Variants in SLIT3 observed in about 807,000 individuals in gnomAD.
The protein encoded by SLIT3 is slit homolog 3 protein.
A neutral mutation model predicts 184.0 loss-of-function variants in SLIT3; 68 were observed. That is an observed-to-expected ratio of 0.37 (90% CI 0.30 to 0.45). The LOEUF is 0.45. SLIT3 is among the 20% of genes least tolerant of loss of function. SLIT3 has a pLI of 1.00. For missense variants in SLIT3, 1,707 were observed against 2,026.0 expected (o/e 0.84, Z 3.02); for synonymous variants, 831 against 828.6 (o/e 1.00, Z -0.05).
rs142261263 is a variant in SLIT3 at position 168,776,461 on chromosome 5, C to A, written c.1152-2083G>T. On this transcript the variant is annotated intron_variant, in intron 12 of 35. Transcript: ENST00000519560. ...CCCATTATTCTCACAGGAACCTGGG[C>A]AGATGGACAGAACCTGACTCACAAG... Among the ~76,000 whole-genome samples, 140 of 152,300 alleles carry A rather than the reference C, an allele frequency of 9.2e-4. 1 individual carries two copies. The highest frequency in any genetic ancestry group is 3.2e-3 in the African/African-American group (132 of 41,552).
chr5:168,843,825 A>G (rs1040377885), intron 6 of SLIT3, among the ~76,000 whole-genome samples: 3 of 152,232 alleles, frequency 2.0e-5, no homozygotes, highest in African/African-American at 4.8e-5. Context: ...GATGACTCCT[A>G]GCTGACTTTC....
At position 168,861,834 on chromosome 5, in the gene SLIT3, G is replaced by A. The variant is rs116805272; in HGVS notation, c.486-17179C>T. Among the ~76,000 whole-genome samples, 1,425 of 152,304 alleles carry A rather than the reference G, an allele frequency of 9.4e-3. 20 individuals are homozygous for A. Among genetic ancestry groups the A allele is most frequent in the African/African-American group, 0.033 (1,373 of 41,558 alleles). ...AAGATGGCCAGAACATGTAAAGAGA[G>A]CCCAGGAAGAGTTAAACTGTTCAAC... On this transcript the variant is annotated intron_variant, in intron 5 of 35. Coordinates refer to ENST00000519560, the MANE Select transcript of SLIT3 (RefSeq NM_003062.4).
intron 4 of SLIT3, among the ~76,000 whole-genome samples, chr5:168,976,863 A>G (rs1754782196): frequency 6.6e-6 from 1 of 152,214 alleles, no homozygotes; most frequent in Admixed American, 6.5e-5. Flanking sequence ...TCATGCATCA[A>G]AATAATAAAG....
chr5:169,163,031 T>C (rs1762525974), intron 4 of SLIT3, among the ~76,000 whole-genome samples: 1 of 151,944 alleles, frequency 6.6e-6, no homozygotes, highest in Admixed American at 6.6e-5. Flanking sequence ...CTGATGATCA[T>C]TAAAAAAGGG....
At chr5:168,932,280 A>G (rs1468113113) in intron 4 of SLIT3, among the ~76,000 whole-genome samples, 6 of 133,274 alleles carry the variant, frequency 4.5e-5, no homozygotes, top group Non-Finnish European at 7.9e-5. Flanking sequence ...TTTTTGGTAC[A>G]AGGCACTATA....
At chr5:169,163,893 C>T (rs1402146348) in intron 4 of SLIT3, among the ~76,000 whole-genome samples, 3 of 152,106 alleles carry the variant, frequency 2.0e-5, no homozygotes, top group African/African-American at 4.8e-5. Flanking sequence ...AAACTTTTGC[C>T]CCATTCGTTC....
chr5:169,194,076 TA>T (rs1165423438), intron 3 of SLIT3, among the ~76,000 whole-genome samples: 1 of 150,604 alleles, frequency 6.6e-6, no homozygotes, highest in South Asian at 2.1e-4. Flanking sequence ...CTAATAAAAA[TA>T]CAAAAAAATT....
At chr5:168,756,698 T>C (rs6884130) in intron 16 of SLIT3, among the ~76,000 whole-genome samples, 90,305 of 151,986 alleles carry the variant, frequency 0.59, 26,971 homozygotes, top group African/African-American at 0.63. Context: ...CCAAATGAGA[T>C]GCAGGAGGAG....
intron 4 of SLIT3, among the ~76,000 whole-genome samples, chr5:168,978,034 G>C (rs1754827903): frequency 6.6e-6 from 1 of 152,158 alleles, no homozygotes; most frequent in Admixed American, 6.5e-5. Context: ...GACTCCTGTT[G>C]GGGCAACTCC....
At chr5:168,893,265 C>T (rs2113812069) in intron 4 of SLIT3, among the ~76,000 whole-genome samples, 1 of 152,208 alleles carries the variant, frequency 6.6e-6, no homozygotes, top group Non-Finnish European at 1.5e-5. Flanking sequence ...TTGTTTATCT[C>T]TTATTGTTTG....
At chr5:168,777,092 CA>C (rs1561927227) in intron 12 of SLIT3, among the ~76,000 whole-genome samples, 2 of 86,378 alleles carry the variant, frequency 2.3e-5, no homozygotes, top group Non-Finnish European at 4.5e-5. Context: ...CACACACACA[CA>C]CACACACACA....
chr5:169,228,807 T>G (rs1166281228), intron 3 of SLIT3, among the ~76,000 whole-genome samples: 1 of 152,204 alleles, frequency 6.6e-6, no homozygotes, highest in Non-Finnish European at 1.5e-5. Context: ...ATTTAAAGCC[T>G]TGTCTTTCCA....
chr5:168,879,747 G>A (rs969794763), intron 5 of SLIT3, among the ~76,000 whole-genome samples: 1 of 152,188 alleles, frequency 6.6e-6, no homozygotes, highest in African/African-American at 2.4e-5. Flanking sequence ...TGTCCACAAT[G>A]CTGACAGAAG....
intron 8 of SLIT3, 138 bp downstream of exon 8, chr5:168,817,162 T>G: frequency 1.4e-6 from 1 of 703,450 alleles, no homozygotes. Context: ...GACTACTGAG[T>G]ACTGAGGACG....
chr5:169,272,253 C>G (rs1766653572), intron 1 of SLIT3, among the ~76,000 whole-genome samples: 1 of 152,216 alleles, frequency 6.6e-6, no homozygotes, highest in South Asian at 2.1e-4. Context: ...CCCACAATCC[C>G]AGGTTAAGTT....
intron 4 of SLIT3, among the ~76,000 whole-genome samples, chr5:169,084,646 T>C (rs1236667681): frequency 6.6e-6 from 1 of 152,164 alleles, no homozygotes; most frequent in African/African-American, 2.4e-5. Context: ...AATCAAATGT[T>C]CAGTTTCTTT....
At position 168,848,190 on chromosome 5, in the gene SLIT3, G is replaced by T. The variant is rs1758548794; in HGVS notation, c.486-3535C>A. ...TGCAGAATGAGTCCTTCTAGGAAAAGGTGTCAGGGCTGAGCCCAAGCCGTA... is the reference window on the plus strand; with the variant it reads ...TGCAGAATGAGTCCTTCTAGGAAAATGTGTCAGGGCTGAGCCCAAGCCGTA... On this transcript the variant is annotated intron_variant, in intron 5 of 35. Transcript: ENST00000519560. Among the ~76,000 whole-genome samples the T allele has an allele frequency of 2.0e-5, 3 of 152,254 alleles. No homozygotes were observed. The South Asian group carries it at 6.2e-4, about 31-fold the overall frequency.
chr5:168,784,597 A>G (rs1335541007), intron 12 of SLIT3, among the ~76,000 whole-genome samples: 1 of 152,230 alleles, frequency 6.6e-6, no homozygotes, highest in East Asian at 1.9e-4. Flanking sequence ...TGAGTCTTAA[A>G]GGACATGGGA....
chr5:168,772,452 C>T (rs1755588393), intron 14 of SLIT3: 1 of 328,604 alleles, frequency 3.0e-6, no homozygotes, highest in African/African-American at 2.2e-5. Context: ...AAATCTTAGC[C>T]TGTAACAGGC....
Sources: gnomAD v4.1 joint callset for allele counts (sites outside exome capture counted in the v4.1 genomes callset) on GRCh38, gnomAD v4.1.1 for gene constraint, MANE v1.5 for transcripts, NCBI Gene and HGNC (gene_info 2026-07-23, HGNC 2026-07-21) for gene names.